The following EYS variants were observed in gnomAD, a reference collection of about 807,000 sequenced individuals.
The protein encoded by EYS is EGF-like photoreceptor maintenance factor.
A neutral mutation model predicts 282.1 loss-of-function variants in EYS; 250 were observed. The ratio of observed to expected loss-of-function variants is 0.89; its 90% CI spans 0.80 to 0.98. The LOEUF (loss-of-function observed/expected upper bound fraction) is 0.98. Ranked by LOEUF, EYS falls within the 50% of genes least tolerant of loss-of-function variation. The pLI, the probability that EYS is intolerant of heterozygous loss-of-function variation, is 0.00. For synonymous variants in EYS, 1,355 were observed against 1,282.9 expected (o/e 1.06, Z -1.20); for missense variants, 4,016 against 3,709.0 (o/e 1.08, Z -2.15).
intron 2 of EYS, among the ~76,000 whole-genome samples, chr6:65,528,580 G>T (rs960252703): frequency 5.9e-5 from 9 of 152,128 alleles, no homozygotes; most frequent in Admixed American, 2.0e-4. Flanking sequence ...CTTGCCTTCT[G>T]CCATGTCATG....
intron 12 of EYS, among the ~76,000 whole-genome samples, chr6:65,244,246 G>A (rs562013266): frequency 8.6e-5 from 13 of 152,014 alleles, no homozygotes; most frequent in African/African-American, 1.7e-4. Context: ...TCTTTTAGTC[G>A]TTTCACGCAA....
chr6:65,212,521 C>G (rs1415134274), intron 12 of EYS, among the ~76,000 whole-genome samples: 1 of 152,034 alleles, frequency 6.6e-6, no homozygotes. Context: ...ACTATTTAAA[C>G]ATAAATTTTA....
At chr6:63,769,703 C>G (rs114758054) in intron 40 of EYS, among the ~76,000 whole-genome samples, 1,838 of 152,098 alleles carry the variant, frequency 0.012, 30 homozygotes, top group African/African-American at 0.043. Context: ...GAATGAAACT[C>G]ATTTGAATTC....
intron 12 of EYS, among the ~76,000 whole-genome samples, chr6:65,241,272 G>A (rs1171913412): frequency 6.6e-6 from 1 of 152,042 alleles, no homozygotes; most frequent in Non-Finnish European, 1.5e-5. Context: ...TTTTATTTAT[G>A]AAAGTCCTCT....
At chr6:65,148,947 G>A (rs1347575462) in intron 12 of EYS, among the ~76,000 whole-genome samples, 1 of 152,058 alleles carries the variant, frequency 6.6e-6, no homozygotes, top group Non-Finnish European at 1.5e-5. Context: ...TGAAGCTGCT[G>A]GGATGCAAGG....
intron 12 of EYS, among the ~76,000 whole-genome samples, chr6:65,232,326 A>G (rs548192837): frequency 2.0e-5 from 3 of 152,214 alleles, no homozygotes; most frequent in African/African-American, 7.2e-5. Context: ...CAAATCACGC[A>G]TGTGGTACTT....
intron 41 of EYS, chr6:63,742,056 CA>C: frequency 2.9e-6 from 2 of 686,874 alleles, no homozygotes; most frequent in African/African-American, 1.8e-5. Flanking sequence ...TCTGTCGTGG[CA>C]GACACTCTTT....
chr6:65,529,749 AC>A (rs1245842360), intron 2 of EYS, among the ~76,000 whole-genome samples: 15 of 152,300 alleles, frequency 9.8e-5, no homozygotes, highest in Admixed American at 4.6e-4. Context: ...AATAATCATT[AC>A]AGCCCTCATG....
intron 11 of EYS, among the ~76,000 whole-genome samples, chr6:65,327,137 AACT>A (rs1189154557): frequency 4.0e-5 from 6 of 151,648 alleles, no homozygotes; most frequent in Admixed American, 6.6e-5. Flanking sequence ...GCTAAATAAA[AACT>A]ACTTTTTATC....
At chr6:64,260,933 C>CA (rs1767565888) in intron 30 of EYS, among the ~76,000 whole-genome samples, 3 of 151,586 alleles carry the variant, frequency 2.0e-5, no homozygotes, top group Non-Finnish European at 4.4e-5. Flanking sequence ...TTATGGGGTA[C>CA]ATGTGATGTT....
intron 22 of EYS, among the ~76,000 whole-genome samples, chr6:64,634,635 G>A (rs544431226): frequency 1.3e-5 from 2 of 151,522 alleles, no homozygotes; most frequent in African/African-American, 4.8e-5. Flanking sequence ...GTCCAGCACA[G>A]CTGGGATGAG....
chr6:64,136,310 T>G (rs1352800311), intron 31 of EYS, among the ~76,000 whole-genome samples: 1 of 152,160 alleles, frequency 6.6e-6, no homozygotes, highest in Admixed American at 6.6e-5. Context: ...TCTACTGTAG[T>G]ATTAAATTCC....
At chr6:65,660,590 G>T (rs934329756) in intron 1 of EYS, among the ~76,000 whole-genome samples, 1 of 151,612 alleles carries the variant, frequency 6.6e-6, no homozygotes, top group African/African-American at 2.4e-5. Context: ...TGGGAAAAAA[G>T]ATGTTCTTCT....
chr6:65,593,374 G>T (rs1003240906), intron 2 of EYS, among the ~76,000 whole-genome samples: 1 of 152,012 alleles, frequency 6.6e-6, no homozygotes, highest in African/African-American at 2.4e-5. Flanking sequence ...TTACTTCTCT[G>T]TTTTTCTTCT....
At position 65,163,868 on chromosome 6, in the gene EYS, G is replaced by A. The variant is rs371949235; in HGVS notation, c.2024-106141C>T. On this transcript the variant is annotated intron_variant, in intron 12 of 42. Transcript: ENST00000503581. ...CCATGACAGTTTTCACACTATAATG[G>A]CAAATTTGAATAGTTGTGGTAGATA... Among the ~76,000 whole-genome samples the A allele has an allele frequency of 7.3e-5, 11 of 151,240 alleles. No individual in the cohort carries two copies. In the East Asian group the frequency reaches 1.6e-3, roughly 22 times the overall value.
At chr6:65,431,212 G>A (rs1767874732) in intron 5 of EYS, among the ~76,000 whole-genome samples, 1 of 152,148 alleles carries the variant, frequency 6.6e-6, no homozygotes, top group Admixed American at 6.6e-5. Context: ...TAATTGACCT[G>A]TCAGCAAAGC....
At chr6:65,246,606 T>C (rs1309385826) in intron 12 of EYS, among the ~76,000 whole-genome samples, 1 of 152,106 alleles carries the variant, frequency 6.6e-6, no homozygotes. Context: ...TCCTGTCTTT[T>C]TCCTGCCTTT....
chr6:64,813,627 C>T (rs779679762), intron 21 of EYS, 50 bp from the exon 22 acceptor site: 1 of 1,090,444 alleles, frequency 9.2e-7, no homozygotes, highest in Non-Finnish European at 1.3e-6. Flanking sequence ...TAAGGTTGAC[C>T]ATTTTAATAT....
chr6:64,978,663 G>A (rs1770553069), intron 14 of EYS, among the ~76,000 whole-genome samples: 1 of 151,908 alleles, frequency 6.6e-6, no homozygotes, highest in African/African-American at 2.4e-5. Context: ...TTCTGGAAAA[G>A]ATTCACAATT....
Sources: gnomAD v4.1 joint callset for allele counts (sites outside exome capture counted in the v4.1 genomes callset) on GRCh38, gnomAD v4.1.1 for gene constraint, MANE v1.5 for transcripts, NCBI Gene and HGNC (gene_info 2026-07-23, HGNC 2026-07-21) for gene names.